SMARCA2: variants seen among roughly 807,000 people sequenced by gnomAD.
The protein encoded by SMARCA2 is SWI/SNF related BAF chromatin remodeling complex subunit ATPase 2.
SMARCA2 carries 61 observed loss-of-function variants against 199.8 expected under a neutral mutation model. That is an observed-to-expected ratio of 0.31 (90% CI 0.25 to 0.38). SMARCA2 has a LOEUF of 0.38. Among genes scored for constraint, SMARCA2 ranks in the 10% least tolerant of loss-of-function variants. The pLI, the probability that SMARCA2 is intolerant of heterozygous loss-of-function variation, is 1.00. For missense variants in SMARCA2, 1,344 were observed against 2,012.2 expected (o/e 0.67, Z 6.35); for synonymous variants, 935 against 732.0 (o/e 1.28, Z -4.48).
rs78858458 is a variant in SMARCA2, at chr9:2,062,249, A to G, written c.1692+1263A>G. On this transcript the variant is annotated intron_variant, in intron 9 of 33. Transcript: ENST00000349721. ...TAAAAATTAAAAAGGAATTACTGAC[A>G]TATTGATAGCAGAGAGAGAGATGGA... is the stretch of plus-strand genomic sequence containing the variant. 2.0e-3 allele frequency among the ~76,000 whole-genome samples: 304 copies of G among 152,358 alleles called. 3 individuals are homozygous for G. The highest frequency in any genetic ancestry group is 6.9e-3 in the African/African-American group (285 of 41,592).
intron 9 of SMARCA2, among the ~76,000 whole-genome samples, chr9:2,063,119 C>G (rs902193049): frequency 1.3e-5 from 2 of 152,136 alleles, no homozygotes; most frequent in African/African-American, 4.8e-5. Context: ...GTGCCCTCAG[C>G]AGGACTAAGT....
rs1231541931 is a variant in SMARCA2 at position 2,161,764 on chromosome 9, A to G, written c.4060A>G (p.Lys1354Glu). 6.2e-7 allele frequency: 1 copy of G among 1,614,126 alleles called. No individual in the cohort carries two copies. The highest frequency in any genetic ancestry group is 1.7e-5 in the Admixed American group (1 of 60,006). ...KKRKRRRNVD[K>E]DPAKEDVEKA... ...GCGAAAAAGACGAAGAAATGTGGAT[A>G]AAGATCCTGCAAAAGAAGATGTGGA... Residue 1354 changes from lysine to glutamate, a missense_variant, in exon 28 of 34, where the codon AAA becomes GAA. Lys to Glu is a moderately conservative substitution (Grantham distance 56). Around this residue, in one of 18 missense-constraint regions of SMARCA2, gnomAD observed 151 missense variants for 154.0 expected, o/e 0.98. Coordinates refer to ENST00000349721, the MANE Select transcript of SMARCA2 (RefSeq NM_003070.5). The surrounding 1 kb of genome is among the most constrained non-coding windows in gnomAD (Gnocchi z 4.7).
chr9:2,104,897 C>A lies in SMARCA2; in HGVS notation c.3292+728C>A, dbSNP rs745678973. On this transcript the variant is annotated intron_variant, in intron 23 of 33. Transcript: ENST00000349721. The surrounding 1 kb of genome is among the most constrained non-coding windows in gnomAD (Gnocchi z 4.0). ...AATGGAAGGGCATAAATATGGCATTCAAAGAGTGGTAAGTAGGAATAGAAG... is the reference window on the plus strand; with the variant it reads ...AATGGAAGGGCATAAATATGGCATTAAAAGAGTGGTAAGTAGGAATAGAAG... Among the ~76,000 whole-genome samples the A allele has an allele frequency of 6.6e-6, 1 of 152,054 alleles. No homozygotes were observed. Among genetic ancestry groups the A allele is most frequent in the African/African-American group, 2.4e-5 (1 of 41,390 alleles).
intron 14 of SMARCA2, among the ~76,000 whole-genome samples, chr9:2,078,071 C>T (rs1009031902): frequency 3.3e-5 from 5 of 152,186 alleles, no homozygotes; most frequent in East Asian, 1.9e-4. Context: ...AGAACATCCA[C>T]GCCTCATCTT....
chr9:2,101,527 T>C (rs756650645), intron 21 of SMARCA2, 43 bp from the exon 22 acceptor site: 17 of 1,060,910 alleles, frequency 1.6e-5, no homozygotes, highest in Admixed American at 6.7e-5. Flanking sequence ...AAGTTAATAA[T>C]TACATTTTTT....
chr9:2,045,957 T>C (rs1216968358), intron 4 of SMARCA2: 3 of 152,192 alleles, frequency 2.0e-5, no homozygotes, highest in Non-Finnish European at 2.9e-5. Context: ...CTTTGTATTG[T>C]CATTTAAGCC....
rs934334692 is a variant in SMARCA2, at chr9:2,075,804, T to C, written c.1936-425T>C. ...CCCCGAGTAGCTGGGATTACAGGCA[T>C]GAGCCACTGCACCCAGCCATCAGAG... On this transcript the variant is annotated intron_variant, in intron 12 of 33. Coordinates refer to ENST00000349721, the MANE Select transcript of SMARCA2 (RefSeq NM_003070.5). Among the ~76,000 whole-genome samples the C allele has an allele frequency of 6.4e-4, 97 of 152,282 alleles. 1 individual carries two copies. The highest frequency in any genetic ancestry group is 2.3e-3 in the African/African-American group (94 of 41,564).
At chr9:2,186,277 C>A (rs772960292) in intron 32 of SMARCA2, 49 bp downstream of exon 32, 3 of 1,563,286 alleles carry the variant, frequency 1.9e-6, no homozygotes, top group Non-Finnish European at 2.6e-6. Context: ...TCCTCACCTG[C>A]ATAGCTGTCT....
chr9:2,095,566 C>T (rs531204107), intron 19 of SMARCA2, among the ~76,000 whole-genome samples: 1 of 152,314 alleles, frequency 6.6e-6, no homozygotes, highest in South Asian at 2.1e-4. Flanking sequence ...GTTACTTACA[C>T]TTCTCACCTT....
At chr9:2,160,091 C>G in intron 27 of SMARCA2, 1 of 733,788 alleles carries the variant, frequency 1.4e-6, no homozygotes, top group East Asian at 2.8e-5. Context: ...TTAGCATGTT[C>G]AGCCTCCAAG....
chr9:2,034,650 C>T (rs1819240582), intron 3 of SMARCA2, among the ~76,000 whole-genome samples: 1 of 152,220 alleles, frequency 6.6e-6, no homozygotes, highest in Admixed American at 6.5e-5. Context: ...TATCCATCCA[C>T]TCGAGGGAAG....
rs546500756 is a variant in SMARCA2, at chr9:2,160,388, A to G, written c.3982-1298A>G. 1.0e-4 allele frequency: 54 copies of G among 540,346 alleles called. No homozygotes were observed. The South Asian group carries it at 1.2e-3, about 12-fold the overall frequency. 33.5% of individuals were successfully genotyped at this position (540,346 alleles called of 1,614,324 possible). ...GTGCATGTTGCTTCTATGGATTTGC[A>G]CATTGGAGGATGCGTAGAAAACATA... On this transcript the variant is annotated intron_variant, in intron 27 of 33. Coordinates refer to ENST00000349721, the MANE Select transcript of SMARCA2 (RefSeq NM_003070.5).
chr9:2,039,392 T>TA lies in SMARCA2; in HGVS notation c.356-73dup. ...AGACAGTGTTGCTGTGGACAATTAT[T>TA]AGAGTATTCAGGGATATCTCTCTTT... On this transcript the variant is annotated intron_variant, in intron 3 of 33. Transcript: ENST00000349721. This position sits in a 1 kb window ranked among gnomAD's most constrained non-coding sequence, Gnocchi z 4.8. 4 of 1,376,048 alleles carry TA rather than the reference T, an allele frequency of 2.9e-6. No homozygotes were observed. Among genetic ancestry groups the TA allele is most frequent in the Non-Finnish European group, 4.0e-6 (4 of 999,010 alleles). The allele number at this position is 1,376,048 out of a possible 1,614,324, so 85.2% of individuals were successfully genotyped here. A position where few individuals can be genotyped will look rare whatever the true frequency, so the allele number is the denominator to read the frequency against.
In SMARCA2 at chr9:2,104,175, T is replaced by C. The variant is rs1226367543; in HGVS notation, c.3292+6T>C. On this transcript the variant is annotated splice_donor_region_variant and intron_variant, in intron 23 of 33. Transcript: ENST00000349721. This position sits in a 1 kb window ranked among gnomAD's most constrained non-coding sequence, Gnocchi z 4.0. ...CCTTTACCTACGCCTTGATGGTAAG[T>C]GCATAAGGCATTAGGCTCGGAAGCC... 1 of 1,609,838 alleles carries C rather than the reference T, an allele frequency of 6.2e-7. No individual in the cohort carries two copies.
At chr9:2,187,020 G>A (rs1454831880) in intron 32 of SMARCA2, among the ~76,000 whole-genome samples, 1 of 152,172 alleles carries the variant, frequency 6.6e-6, no homozygotes, top group African/African-American at 2.4e-5. Context: ...AAATTCCCAG[G>A]GGGAACTGAT....
chr9:2,164,261 T>C (rs1023208329), intron 28 of SMARCA2, among the ~76,000 whole-genome samples: 8 of 152,164 alleles, frequency 5.3e-5, no homozygotes, highest in African/African-American at 1.9e-4. Context: ...CTAGAAACCA[T>C]CCAGAAATAC....
intron 17 of SMARCA2, chr9:2,085,972 G>A (rs993179809): frequency 6.6e-6 from 1 of 152,234 alleles, no homozygotes; most frequent in Non-Finnish European, 1.5e-5. Flanking sequence ...GTACTGTGTA[G>A]ACAGGAAGGA....
At chr9:2,113,529 T>A (rs930300489) in intron 24 of SMARCA2, among the ~76,000 whole-genome samples, 2 of 152,214 alleles carry the variant, frequency 1.3e-5, no homozygotes, top group African/African-American at 4.8e-5. Flanking sequence ...CAGCACTTCT[T>A]TGTCACAATA....
At chr9:2,069,170 C>T (rs1434818668) in intron 9 of SMARCA2, 1 of 151,672 alleles carries the variant, frequency 6.6e-6, no homozygotes, top group African/African-American at 2.4e-5. Context: ...CCCGCCTCGG[C>T]CTCTCAAAGT....
Sources: allele counts gnomAD v4.1 joint callset (sites outside exome capture counted in the v4.1 genomes callset), GRCh38; gene constraint gnomAD v4.1.1; regional missense constraint gnomAD v4.1.1; non-coding constraint Gnocchi (gnomAD v3.1); transcripts MANE v1.5; gene names NCBI Gene and HGNC (gene_info 2026-07-23, HGNC 2026-07-21).